Variants in SEMA6D observed in about 807,000 individuals in gnomAD.
SEMA6D encodes the protein semaphorin-6D.
In SEMA6D, 35 loss-of-function variants were observed where a neutral mutation model predicts 106.6. The ratio of observed to expected loss-of-function variants is 0.33; its 90% confidence interval spans 0.25 to 0.44. The LOEUF (loss-of-function observed/expected upper bound fraction) is 0.44, where lower values mean the gene tolerates loss of function less well. Among genes scored for constraint, SEMA6D ranks in the 20% least tolerant of loss-of-function variants. SEMA6D has a pLI of 1.00. For synonymous variants in SEMA6D, 499 were observed against 487.7 expected (o/e 1.02, Z -0.31); for missense variants, 1,185 against 1,345.9 (o/e 0.88, Z 1.87).
At chr15:47,670,432 A>G (rs917379972) in intron 4 of SEMA6D, among the ~76,000 whole-genome samples, 2 of 152,190 alleles carry the variant, frequency 1.3e-5, no homozygotes, top group Non-Finnish European at 2.9e-5. Flanking sequence ...TTGCCTGCTT[A>G]GTGCTGTGCC....
intron 1 of SEMA6D, among the ~76,000 whole-genome samples, chr15:47,314,687 C>T (rs1005002812): frequency 7.1e-6 from 1 of 140,074 alleles, no homozygotes; most frequent in African/African-American, 2.6e-5. Context: ...CAAATATTTT[C>T]TTCCAGCCTG....
intron 4 of SEMA6D, among the ~76,000 whole-genome samples, chr15:47,708,815 C>T (rs964384707): frequency 2.6e-5 from 4 of 152,214 alleles, no homozygotes; most frequent in African/African-American, 9.6e-5. Flanking sequence ...GACTTAGATT[C>T]AGAAGACCCA....
intron 4 of SEMA6D, among the ~76,000 whole-genome samples, chr15:47,707,974 A>T (rs1450315578): frequency 6.6e-6 from 1 of 152,116 alleles, no homozygotes; most frequent in Non-Finnish European, 1.5e-5. Flanking sequence ...CTGACACTCA[A>T]ACATCTACCA....
At chr15:47,484,897 A>G (rs1203826787) in intron 3 of SEMA6D, among the ~76,000 whole-genome samples, 1 of 152,220 alleles carries the variant, frequency 6.6e-6, no homozygotes, top group Non-Finnish European at 1.5e-5. Flanking sequence ...AATGAATGCC[A>G]TGTGATGTCC....
intron 3 of SEMA6D, among the ~76,000 whole-genome samples, chr15:47,555,417 T>C (rs916746705): frequency 6.6e-6 from 1 of 152,198 alleles, no homozygotes; most frequent in African/African-American, 2.4e-5. Flanking sequence ...TGGCACATAA[T>C]ATCTTAAAAC....
intron 3 of SEMA6D, among the ~76,000 whole-genome samples, chr15:47,522,969 G>A (rs2044637524): frequency 1.3e-5 from 2 of 152,194 alleles, no homozygotes; most frequent in Admixed American, 1.3e-4. Context: ...CTCTGTGTTA[G>A]CACAAAGCTA....
chr15:47,557,312 T>G (rs2045943383), intron 3 of SEMA6D, among the ~76,000 whole-genome samples: 1 of 152,172 alleles, frequency 6.6e-6, no homozygotes, highest in African/African-American at 2.4e-5. Context: ...AACATAGACT[T>G]CACAGTTAGC....
rs932283798 is a variant in SEMA6D at position 47,771,964 on chromosome 15, C to G, written c.*179C>G. On this transcript the variant is annotated 3_prime_UTR_variant, in exon 19 of 19. Coordinates refer to ENST00000536845, the MANE Select transcript of SEMA6D (RefSeq NM_001358351.3). ...GCCACATGTAGCTACTGCAGCAAGG[C>G]TTCTGTGTACTTGCCTGAAAACAAA... 6.5e-6 allele frequency: 4 copies of G among 614,426 alleles called. No individual in the cohort carries two copies. The highest frequency in any genetic ancestry group is 1.1e-5 in the Non-Finnish European group (4 of 353,836). The allele number at this position is 614,426 out of a possible 1,614,324, so 38.1% of individuals were successfully genotyped here.
chr15:47,629,431 G>GT (rs1467152226), intron 4 of SEMA6D, among the ~76,000 whole-genome samples: 3 of 151,768 alleles, frequency 2.0e-5, no homozygotes, highest in South Asian at 2.1e-4. Flanking sequence ...TAGATTTAAG[G>GT]TTTTTTTCTC....
intron 1 of SEMA6D, among the ~76,000 whole-genome samples, chr15:47,323,588 G>C (rs2037009517): frequency 6.6e-6 from 1 of 152,220 alleles, no homozygotes; most frequent in South Asian, 2.1e-4. Context: ...GGGGATGGAA[G>C]TTCTCACTCT....
chr15:47,597,527 A>C (rs1178846246), intron 3 of SEMA6D, among the ~76,000 whole-genome samples: 1 of 152,114 alleles, frequency 6.6e-6, no homozygotes, highest in Non-Finnish European at 1.5e-5. Flanking sequence ...ATGGAATACT[A>C]TACAGCCTTA....
At position 47,768,736 on chromosome 15, in the gene SEMA6D, G is replaced by C; in HGVS notation, c.1921G>C (p.Gly641Arg). 6.2e-7 allele frequency: 1 copy of C among 1,612,786 alleles called. No individual in the cohort carries two copies. The highest frequency in any genetic ancestry group is 1.1e-5 in the South Asian group (1 of 90,918). The change falls in exon 18 of 19, where the codon GGT becomes CGT. Residue 641 changes from glycine to arginine, a missense_variant. Transcript: ENST00000536845. Reference protein sequence around the residue: ...NTSDFTDPLSGIPKGVRWEVQ... With the variant: ...NTSDFTDPLSRIPKGVRWEVQ... ...TTCTGATTTTACTGATCCTTTATCG[G>C]GTATCCCAAAGGGTAAGGCCTCAGC...
intron 1 of SEMA6D, among the ~76,000 whole-genome samples, chr15:47,207,984 GGC>G (rs143248605): frequency 0.023 from 1,709 of 73,018 alleles, 86 homozygotes; most frequent in East Asian, 0.15. Context: ...AGTAGCCACT[GGC>G]GCGCGCGCAC....
chr15:47,690,980 G>C (rs2078575084), intron 4 of SEMA6D, among the ~76,000 whole-genome samples: 2 of 152,076 alleles, frequency 1.3e-5, no homozygotes, highest in African/African-American at 2.4e-5. Context: ...ATACTTCTGA[G>C]TACTGGCTAG....
At position 47,649,146 on chromosome 15, in the gene SEMA6D, G is replaced by T. The variant is rs181210510; in HGVS notation, c.-55+48250G>T. 7.2e-5 allele frequency among the ~76,000 whole-genome samples: 11 copies of T among 152,194 alleles called. 1 individual carries two copies. In the South Asian group the frequency reaches 1.2e-3, roughly 17 times the overall value. On this transcript the variant is annotated intron_variant, in intron 4 of 19. Coordinates refer to the SEMA6D transcript ENST00000558014. ...TGCAGCTCTATGTCTGTTTATAATG[G>T]CATAAGGAAGAGAACAGCTATGGGA...
intron 2 of SEMA6D, among the ~76,000 whole-genome samples, chr15:47,431,443 T>A (rs1306736045): frequency 6.6e-6 from 1 of 152,156 alleles, no homozygotes; most frequent in African/African-American, 2.4e-5. Context: ...TACCCCTTTT[T>A]CTGTATCCTC....
chr15:47,345,740 G>T (rs1257645563), intron 1 of SEMA6D, among the ~76,000 whole-genome samples: 3 of 152,080 alleles, frequency 2.0e-5, no homozygotes, highest in African/African-American at 7.2e-5. Context: ...ACAGCAAAAA[G>T]AATCTGTATT....
intron 3 of SEMA6D, among the ~76,000 whole-genome samples, chr15:47,557,286 A>T (rs1456566857): frequency 6.6e-6 from 1 of 152,162 alleles, no homozygotes; most frequent in Non-Finnish European, 1.5e-5. Context: ...AAGTTCTCTC[A>T]CCTGGTTAAA....
chr15:47,403,160 C>G (rs1453857165), intron 1 of SEMA6D, among the ~76,000 whole-genome samples: 1 of 151,956 alleles, frequency 6.6e-6, no homozygotes, highest in Admixed American at 6.6e-5. Context: ...TAACAAAAGC[C>G]TTTTTTTTCC....
Sources: allele counts gnomAD v4.1 joint callset (sites outside exome capture counted in the v4.1 genomes callset), GRCh38; gene constraint gnomAD v4.1.1; transcripts MANE v1.5; gene names NCBI Gene and HGNC (gene_info 2026-07-23, HGNC 2026-07-21).